PEDS1: variants seen among roughly 807,000 people sequenced by gnomAD.
PEDS1 encodes the protein plasmanylethanolamine desaturase 1.
A neutral mutation model predicts 35.2 loss-of-function variants in PEDS1; 14 were observed. That is an observed-to-expected ratio of 0.40 (90% CI 0.26 to 0.62). PEDS1 has a LOEUF of 0.62. Among genes scored for constraint, PEDS1 ranks in the 20% least tolerant of loss-of-function variants. The pLI is 0.44. For missense variants in PEDS1, 260 were observed against 367.8 expected (o/e 0.71, Z 2.40); for synonymous variants, 152 against 152.0 (o/e 1.00, Z 0.00).
intron 5 of PEDS1, among the ~76,000 whole-genome samples, chr20:50,126,365 T>C (rs1395142575): frequency 6.6e-6 from 1 of 152,178 alleles, no homozygotes; most frequent in East Asian, 1.9e-4. Context: ...CAGCCCTGCC[T>C]AAGTAGTTAA....
At chr20:50,134,286 C>T (rs1825907036) in intron 2 of PEDS1, among the ~76,000 whole-genome samples, 1 of 152,230 alleles carries the variant, frequency 6.6e-6, no homozygotes, top group Non-Finnish European at 1.5e-5. Flanking sequence ...GGCACCATTG[C>T]ACTCCTCCCA....
At position 50,122,113 on chromosome 20, in the gene PEDS1, T is replaced by A. The variant is rs564755910; in HGVS notation, c.*2945A>T. 1 of 152,198 alleles carries A rather than the reference T, an allele frequency of 6.6e-6. No homozygotes were observed. The highest frequency in any genetic ancestry group is 1.5e-5 in the Non-Finnish European group (1 of 68,066). 9.4% of individuals were successfully genotyped at this position (152,198 alleles called of 1,614,324 possible). ...CAACTACTGGGAATGCACTTTCCAC[T>A]GAGATTGCTGAGCTGGTCTAGTAAG... On this transcript the variant is annotated 3_prime_UTR_variant, in exon 6 of 6. Transcript: ENST00000371652.
At chr20:50,133,946 T>A (rs2081206233) in intron 2 of PEDS1, among the ~76,000 whole-genome samples, 1 of 152,188 alleles carries the variant, frequency 6.6e-6, no homozygotes, top group Non-Finnish European at 1.5e-5. Flanking sequence ...CCCTTTTGTG[T>A]CCTTAAACTG....
intron 2 of PEDS1, among the ~76,000 whole-genome samples, chr20:50,137,962 G>A (rs1397561616): frequency 6.6e-6 from 1 of 152,180 alleles, no homozygotes; most frequent in Non-Finnish European, 1.5e-5. Context: ...TCCAGGAACA[G>A]AAGAAGGACA....
rs146812522 is a variant in PEDS1, at chr20:50,120,190, A to G, written c.*4868T>C. On this transcript the variant is annotated 3_prime_UTR_variant, in exon 6 of 6. Transcript: ENST00000371652. ...TGAGGTGGGAGGATCACTTGAGCCC[A>G]GGAGTCTGAGGTTACAGTGAGCTGT... The G allele has an allele frequency of 3.9e-3, 634 of 162,786 alleles. 5 individuals are homozygous for G. Among genetic ancestry groups the G allele is most frequent in the African/African-American group, 0.015 (610 of 41,862 alleles). The allele number at this position is 162,786 out of a possible 1,614,324, so 10.1% of individuals were successfully genotyped here.
intron 2 of PEDS1, among the ~76,000 whole-genome samples, chr20:50,142,731 C>T (rs2081306803): frequency 7.2e-6 from 1 of 139,792 alleles, no homozygotes; most frequent in Non-Finnish European, 1.5e-5. Context: ...GGACTACAGG[C>T]ATGAGCCACC....
At chr20:50,146,380 G>A (rs773798559) in intron 1 of PEDS1, among the ~76,000 whole-genome samples, 8 of 152,068 alleles carry the variant, frequency 5.3e-5, no homozygotes, top group Non-Finnish European at 1.0e-4. Context: ...ATGTGAAGTC[G>A]GGAGGCCCAG....
Position 50,120,123 on chromosome 20 carries a change from G to A in PEDS1, c.*4935C>T, listed in dbSNP as rs1438340366. 2.6e-5 allele frequency: 4 copies of A among 151,694 alleles called. No individual in the cohort carries two copies. Among genetic ancestry groups the A allele is most frequent in the African/African-American group, 9.8e-5 (4 of 40,784 alleles). The allele number at this position is 151,694 out of a possible 1,614,324, so 9.4% of individuals were successfully genotyped here. A position where few individuals can be genotyped will look rare whatever the true frequency, so the allele number is the denominator to read the frequency against. ...TCTAAAAAAAAAAAAAAATTAGCTGGATGTGGTGGTGTCCATCTGTAGTCC... is the reference window on the plus strand; with the variant it reads ...TCTAAAAAAAAAAAAAAATTAGCTGAATGTGGTGGTGTCCATCTGTAGTCC... On this transcript the variant is annotated 3_prime_UTR_variant, in exon 6 of 6. Coordinates refer to ENST00000371652, the MANE Select transcript of PEDS1 (RefSeq NM_199129.4).
intron 1 of PEDS1, among the ~76,000 whole-genome samples, chr20:50,146,650 G>C (rs1024334591): frequency 4.6e-5 from 7 of 152,128 alleles, no homozygotes; most frequent in African/African-American, 1.7e-4. Flanking sequence ...CAGGACAGCT[G>C]CCCTCCCCTG....
At chr20:50,132,510 C>T (rs2081190760) in intron 2 of PEDS1, among the ~76,000 whole-genome samples, 1 of 152,178 alleles carries the variant, frequency 6.6e-6, no homozygotes, top group Non-Finnish European at 1.5e-5. Context: ...AGCTCACTCC[C>T]TCACCTCTTC....
chr20:50,125,544 TTATCTATC>T (rs57011944), intron 5 of PEDS1, among the ~76,000 whole-genome samples: 24,088 of 147,326 alleles, frequency 0.16, 2,077 homozygotes, highest in East Asian at 0.24. Flanking sequence ...ACATTACCCT[TTATCTATC>T]TATCTATCTA....
rs1346943065 is a variant in PEDS1 at position 50,130,130 on chromosome 20, C to T, written c.334-440G>A. Among the ~76,000 whole-genome samples the T allele has an allele frequency of 1.3e-5, 2 of 152,304 alleles. 1 individual carries two copies. Among genetic ancestry groups the T allele is most frequent in the South Asian group, 4.1e-4 (2 of 4,824 alleles). The stretch of plus-strand genomic sequence containing the variant: ...CCTCGCCCCGGGCTGAGAAAGAACA[C>T]GTGACCAGGCCTGGCCAATCATAGC... On this transcript the variant is annotated intron_variant, in intron 3 of 5. Transcript: ENST00000371652.
chr20:50,138,462 C>G (rs566598244), intron 2 of PEDS1, among the ~76,000 whole-genome samples: 1 of 152,302 alleles, frequency 6.6e-6, no homozygotes, highest in Admixed American at 6.5e-5. Context: ...GGTAAAGGGC[C>G]CGGTGGGTCC....
At chr20:50,139,437 C>T (rs1381917241) in intron 2 of PEDS1, among the ~76,000 whole-genome samples, 1 of 151,970 alleles carries the variant, frequency 6.6e-6, no homozygotes, top group Non-Finnish European at 1.5e-5. Flanking sequence ...GGTGGCTGTT[C>T]CCAGTCGACC....
At chr20:50,136,724 A>G (rs979750232) in intron 2 of PEDS1, among the ~76,000 whole-genome samples, 1 of 145,950 alleles carries the variant, frequency 6.9e-6, no homozygotes, top group African/African-American at 2.6e-5. Flanking sequence ...CTCTGCCTCA[A>G]AAAAAAAAAA....
Position 50,129,705 on chromosome 20 carries a change from G to C in PEDS1, c.334-15C>G. Reference sequence around the variant, plus strand: ...CGGATGAAAGCCTGGAGTTGAGGGGGACACAGCCCCAGCAGTCAGCCTAAG... The same window carrying C: ...CGGATGAAAGCCTGGAGTTGAGGGGCACACAGCCCCAGCAGTCAGCCTAAG... On this transcript the variant is annotated splice_polypyrimidine_tract_variant and intron_variant, in intron 3 of 5. Transcript: ENST00000371652. The surrounding 1 kb of genome is among the most constrained non-coding windows in gnomAD (Gnocchi z 4.2). 6.2e-7 allele frequency: 1 copy of C among 1,613,456 alleles called. No homozygotes were observed. Among genetic ancestry groups the C allele is most frequent in the Non-Finnish European group, 8.5e-7 (1 of 1,179,924 alleles).
At chr20:50,142,595 C>G (rs533345729) in intron 2 of PEDS1, among the ~76,000 whole-genome samples, 1 of 151,028 alleles carries the variant, frequency 6.6e-6, no homozygotes, top group Non-Finnish European at 1.5e-5. Context: ...CCTGCCACCA[C>G]GGCCGGCTAA....
In PEDS1 at chr20:50,124,990, G is replaced by A; in HGVS notation, c.*68C>T. On this transcript the variant is annotated 3_prime_UTR_variant, in exon 6 of 6. Coordinates refer to ENST00000371652, the MANE Select transcript of PEDS1 (RefSeq NM_199129.4). ...TGGAGGGGCCAGCTCAAAGAGGCTGGAATTTGGCAGATGGCTTCGGTTTGG... is the reference window on the plus strand; with the variant it reads ...TGGAGGGGCCAGCTCAAAGAGGCTGAAATTTGGCAGATGGCTTCGGTTTGG... 6.3e-7 allele frequency: 1 copy of A among 1,596,202 alleles called. No individual in the cohort carries two copies. The highest frequency in any genetic ancestry group is 8.6e-7 in the Non-Finnish European group (1 of 1,168,178).
chr20:50,146,263 A>C (rs2081344223), intron 1 of PEDS1, among the ~76,000 whole-genome samples: 1 of 152,062 alleles, frequency 6.6e-6, no homozygotes, highest in South Asian at 2.1e-4. Flanking sequence ...GGAAACCTCC[A>C]TCTCCAGGAA....
Sources: allele counts gnomAD v4.1 joint callset (sites outside exome capture counted in the v4.1 genomes callset), GRCh38; gene constraint gnomAD v4.1.1; non-coding constraint Gnocchi (gnomAD v3.1); transcripts MANE v1.5; gene names NCBI Gene and HGNC (gene_info 2026-07-23, HGNC 2026-07-21).